HIVEP3: variants seen among roughly 807,000 people sequenced by gnomAD.
HIVEP3 encodes transcription factor HIVEP3.
HIVEP3 carries 49 observed loss-of-function variants against 152.8 expected under a neutral mutation model. That is an observed-to-expected ratio of 0.32 (90% CI 0.26 to 0.41). The LOEUF (loss-of-function observed/expected upper bound fraction) is 0.41. Among genes scored for constraint, HIVEP3 ranks in the 10% least tolerant of loss-of-function variants. The pLI is 1.00. For synonymous variants in HIVEP3, 1,269 were observed against 1,289.0 expected (o/e 0.98, Z 0.33); for missense variants, 2,790 against 3,103.3 (o/e 0.90, Z 2.40).
intron 5 of HIVEP3, among the ~76,000 whole-genome samples, chr1:41,555,165 C>T (rs115520472): frequency 0.013 from 2,044 of 152,278 alleles, 62 homozygotes; most frequent in African/African-American, 0.046. Context: ...TTGAGCTTCC[C>T]CAGTTGCTTT....
At chr1:41,820,831 C>T (rs1010142439) in intron 1 of HIVEP3, among the ~76,000 whole-genome samples, 2 of 152,192 alleles carry the variant, frequency 1.3e-5, no homozygotes, top group Non-Finnish European at 2.9e-5. Flanking sequence ...TCAACCAATA[C>T]CTAGCACAGA....
chr1:41,511,329 G>C lies in HIVEP3; in HGVS notation c.6406-63C>G. 1 of 1,400,524 alleles carries C rather than the reference G, an allele frequency of 7.1e-7. No individual in the cohort carries two copies. The highest frequency in any genetic ancestry group is 9.6e-7 in the Non-Finnish European group (1 of 1,043,914). 86.8% of individuals were successfully genotyped at this position (1,400,524 alleles called of 1,614,324 possible). ...ACATGCTGGGCACATGGGGAGCCGA[G>C]GCCTGGAAGTGGGAGGGGGACTCGC... On this transcript the variant is annotated intron_variant, in intron 8 of 8. Transcript: ENST00000372583. This position sits in a 1 kb window ranked among gnomAD's most constrained non-coding sequence, Gnocchi z 4.9.
intron 1 of HIVEP3, among the ~76,000 whole-genome samples, chr1:41,973,097 C>G (rs894364874): frequency 6.6e-6 from 1 of 151,904 alleles, no homozygotes; most frequent in African/African-American, 2.4e-5. Flanking sequence ...AGAAAGCACA[C>G]AGTGTGGTCT....
At chr1:41,592,549 G>A (rs1303705520) in intron 3 of HIVEP3, among the ~76,000 whole-genome samples, 2 of 152,296 alleles carry the variant, frequency 1.3e-5, no homozygotes, top group Non-Finnish European at 2.9e-5. Flanking sequence ...TCCATCTAGT[G>A]ATACCTGCTA....
At position 41,662,346 on chromosome 1, in the gene HIVEP3, G is replaced by A. The variant is rs1365248520; in HGVS notation, c.-720-33399C>T. ...GGCGGGCTGGCGGGCGGGCGCCGGCGGCGGGCGCGGCTCCGGGCCGCCCCG... is the reference window on the plus strand; with the variant it reads ...GGCGGGCTGGCGGGCGGGCGCCGGCAGCGGGCGCGGCTCCGGGCCGCCCCG... On this transcript the variant is annotated intron_variant, in intron 2 of 8. Transcript: ENST00000372583. This position sits in a 1 kb window ranked among gnomAD's most constrained non-coding sequence, Gnocchi z 7.2. The A allele has an allele frequency of 6.9e-6, 1 of 145,652 alleles. No individual in the cohort carries two copies. The highest frequency in any genetic ancestry group is 2.0e-4 in the East Asian group (1 of 5,020). The allele number at this position is 145,652 out of a possible 1,614,324, so 9.0% of individuals were successfully genotyped here.
At chr1:41,710,050 A>G (rs1646490237) in intron 1 of HIVEP3, among the ~76,000 whole-genome samples, 1 of 152,132 alleles carries the variant, frequency 6.6e-6, no homozygotes, top group African/African-American at 2.4e-5. Context: ...TCAACATGCA[A>G]GCAACCCTAA....
chr1:41,643,267 G>A (rs1008423272), intron 2 of HIVEP3, among the ~76,000 whole-genome samples: 1 of 152,216 alleles, frequency 6.6e-6, no homozygotes, highest in African/African-American at 2.4e-5. Context: ...GTGCTGGAGT[G>A]TCTCTCTTCT....
intron 1 of HIVEP3, among the ~76,000 whole-genome samples, chr1:41,963,001 A>G (rs2124498648): frequency 6.6e-6 from 1 of 152,178 alleles, no homozygotes; most frequent in South Asian, 2.1e-4. Flanking sequence ...CAAAACCAAA[A>G]GTTGTTTTTT....
At chr1:41,778,109 G>A (rs1648823908) in intron 1 of HIVEP3, among the ~76,000 whole-genome samples, 1 of 152,172 alleles carries the variant, frequency 6.6e-6, no homozygotes, top group Admixed American at 6.5e-5. Flanking sequence ...GCCATTAGTT[G>A]CACGCACTTC....
chr1:41,751,023 G>A (rs920007143), intron 1 of HIVEP3, among the ~76,000 whole-genome samples: 10 of 152,092 alleles, frequency 6.6e-5, no homozygotes, highest in African/African-American at 2.4e-4. Flanking sequence ...CCGGCCCCCA[G>A]TGCACCCTTG....
intron 3 of HIVEP3, among the ~76,000 whole-genome samples, chr1:41,611,468 G>C (rs1038791269): frequency 6.6e-6 from 1 of 152,184 alleles, no homozygotes; most frequent in Admixed American, 6.5e-5. Context: ...TCCTCAGAAC[G>C]AGCCTATCAG....
Position 41,773,686 on chromosome 1 carries a change from A to T in HIVEP3, c.-800-72691T>A, listed in dbSNP as rs1011250946. Among the ~76,000 whole-genome samples the T allele has an allele frequency of 2.0e-5, 3 of 152,244 alleles. No homozygotes were observed. The East Asian group carries it at 5.8e-4, about 29-fold the overall frequency. On this transcript the variant is annotated intron_variant, in intron 1 of 8. Transcript: ENST00000372583. ...CACTCTTGTACTGTTACCTCCTCTG[A>T]TGTGCACAGATGAGAAAGCTGAGGC... is the stretch of plus-strand genomic sequence containing the variant.
At chr1:41,736,503 A>G (rs1213240546) in intron 1 of HIVEP3, among the ~76,000 whole-genome samples, 1 of 152,168 alleles carries the variant, frequency 6.6e-6, no homozygotes, top group Non-Finnish European at 1.5e-5. Flanking sequence ...CAGCCTCCCC[A>G]GGTAACCTAA....
chr1:41,554,448 A>C (rs1034938459), intron 5 of HIVEP3, among the ~76,000 whole-genome samples: 1 of 152,208 alleles, frequency 6.6e-6, no homozygotes, highest in Non-Finnish European at 1.5e-5. Flanking sequence ...CCTTTAGCTC[A>C]GAGAAGTTTG....
intron 3 of HIVEP3, among the ~76,000 whole-genome samples, chr1:41,601,584 G>C (rs1570069818): frequency 6.6e-6 from 1 of 152,114 alleles, no homozygotes; most frequent in East Asian, 1.9e-4. Context: ...ACTGATTTTT[G>C]TAAATGATTT....
At chr1:41,987,613 A>G (rs1645331816) in intron 1 of HIVEP3, among the ~76,000 whole-genome samples, 1 of 152,234 alleles carries the variant, frequency 6.6e-6, no homozygotes, top group Non-Finnish European at 1.5e-5. Context: ...AAATAAATGC[A>G]TGCATTTACA....
chr1:41,732,217 C>T (rs1646850630), intron 1 of HIVEP3, among the ~76,000 whole-genome samples: 1 of 152,166 alleles, frequency 6.6e-6, no homozygotes, highest in Non-Finnish European at 1.5e-5. Context: ...GGAGCATCAG[C>T]AGAGGCGGGT....
intron 5 of HIVEP3, among the ~76,000 whole-genome samples, chr1:41,571,736 A>C (rs966880720): frequency 6.6e-6 from 1 of 152,170 alleles, no homozygotes; most frequent in Non-Finnish European, 1.5e-5. Context: ...AGGATTTGGC[A>C]ATGGCAGGGC....
chr1:41,729,627 A>C (rs1326854332), intron 1 of HIVEP3, among the ~76,000 whole-genome samples: 1 of 152,216 alleles, frequency 6.6e-6, no homozygotes, highest in Non-Finnish European at 1.5e-5. Context: ...CAGAAGGAGA[A>C]AGTGAAGAGA....
Sources: allele counts gnomAD v4.1 joint callset (sites outside exome capture counted in the v4.1 genomes callset), GRCh38; gene constraint gnomAD v4.1.1; non-coding constraint Gnocchi (gnomAD v3.1); transcripts MANE v1.5; gene names NCBI Gene and HGNC (gene_info 2026-07-23, HGNC 2026-07-21).